Variants in CDH4 observed in about 807,000 individuals in gnomAD.
CDH4 encodes the protein cadherin-4.
A neutral mutation model predicts 86.0 loss-of-function variants in CDH4; 33 were observed. That is an observed-to-expected ratio of 0.38 (90% confidence interval 0.29 to 0.51). The LOEUF is 0.51. Among genes scored for constraint, CDH4 ranks in the 20% least tolerant of loss-of-function variants. CDH4 has a pLI of 0.86. For missense variants in CDH4, 1,114 were observed against 1,307.4 expected, an observed-to-expected ratio of 0.85 and a Z score of 2.28; for synonymous variants, 555 against 549.4, an observed-to-expected ratio of 1.01 and a Z score of -0.14.
At chr20:61,857,300 G>A (rs1052827194) in intron 6 of CDH4, among the ~76,000 whole-genome samples, 252 of 152,368 alleles carry the variant, frequency 1.7e-3, no homozygotes, top group Non-Finnish European at 2.1e-3. Flanking sequence ...CCTTCGGCCC[G>A]GGCTGCGTAT....
intron 3 of CDH4, among the ~76,000 whole-genome samples, chr20:61,748,211 C>T (rs2088443468): frequency 6.6e-6 from 1 of 152,214 alleles, no homozygotes; most frequent in South Asian, 2.1e-4. Context: ...CAGCTCACTG[C>T]AACCTCCACC....
intron 2 of CDH4, among the ~76,000 whole-genome samples, chr20:61,285,645 G>A (rs193126015): frequency 1.5e-4 from 23 of 152,358 alleles, no homozygotes; most frequent in Middle Eastern, 3.4e-3. Flanking sequence ...GATGGATAGT[G>A]TATTCAGTTT....
chr20:61,493,876 G>A (rs984521224), intron 2 of CDH4, among the ~76,000 whole-genome samples: 23 of 152,198 alleles, frequency 1.5e-4, no homozygotes, highest in African/African-American at 4.3e-4. Flanking sequence ...ACAGTGGCCC[G>A]TACAAATTGC....
At chr20:61,500,480 G>A (rs940024477) in intron 2 of CDH4, among the ~76,000 whole-genome samples, 5 of 152,234 alleles carry the variant, frequency 3.3e-5, no homozygotes, top group African/African-American at 7.2e-5. Flanking sequence ...TGCCTGTGCC[G>A]ACTCTGGGTC....
At chr20:61,348,244 T>C (rs1473838466) in intron 2 of CDH4, among the ~76,000 whole-genome samples, 3 of 145,334 alleles carry the variant, frequency 2.1e-5, no homozygotes, top group African/African-American at 7.5e-5. Context: ...CTAAGGCACA[T>C]CTTACATGGT....
In CDH4 at chr20:61,817,507, A is replaced by T. The variant is rs556179960; in HGVS notation, c.577-27161A>T. ...AAAGCAACTTCTCGCTTTTTTTTTTATTTTTATTTTTTTAAGAGACCTCGT... is the reference window on the plus strand; with the variant it reads ...AAAGCAACTTCTCGCTTTTTTTTTTTTTTTTATTTTTTTAAGAGACCTCGT... On this transcript the variant is annotated intron_variant, in intron 4 of 15. Coordinates refer to ENST00000614565, the MANE Select transcript of CDH4 (RefSeq NM_001794.5). 3.4e-3 allele frequency among the ~76,000 whole-genome samples: 512 copies of T among 150,706 alleles called. 12 individuals carry two copies. Among genetic ancestry groups the T allele is most frequent in the Admixed American group, 0.03 (450 of 15,144 alleles).
rs367767612 is a variant in CDH4, at chr20:61,902,720, G to A, written c.1188+7673G>A. ...AGATTCAGGCCACAGGCTTGTTGTCGAGCCCTGACTTCACCTATAGCAAAG... is the reference window on the plus strand; with the variant it reads ...AGATTCAGGCCACAGGCTTGTTGTCAAGCCCTGACTTCACCTATAGCAAAG... On this transcript the variant is annotated intron_variant, in intron 8 of 15. Transcript: ENST00000614565. This position sits in a 1 kb window ranked among gnomAD's most constrained non-coding sequence, Gnocchi z 4.6. Among the ~76,000 whole-genome samples the A allele has an allele frequency of 6.6e-5, 10 of 152,272 alleles. No homozygotes were observed. In the East Asian group the frequency reaches 1.2e-3, roughly 18 times the overall value.
At chr20:61,289,244 C>T (rs1305337697) in intron 2 of CDH4, among the ~76,000 whole-genome samples, 1 of 152,214 alleles carries the variant, frequency 6.6e-6, no homozygotes, top group African/African-American at 2.4e-5. Flanking sequence ...CAGCTCCTGG[C>T]ACTGTCAGCT....
In CDH4 at chr20:61,669,613, G is replaced by A. The variant is rs73915317; in HGVS notation, c.170-73950G>A. Reference sequence around the variant, plus strand: ...TCAAATCCCATCAGAAACTTATCCGGTGTGTAATGTTCCTGGAGAAGAGAA... The same window carrying A: ...TCAAATCCCATCAGAAACTTATCCGATGTGTAATGTTCCTGGAGAAGAGAA... On this transcript the variant is annotated intron_variant, in intron 2 of 15. Transcript: ENST00000614565. Among the ~76,000 whole-genome samples the A allele has an allele frequency of 4.2e-3, 636 of 152,320 alleles. 3 individuals are homozygous for A. Among genetic ancestry groups the A allele is most frequent in the African/African-American group, 0.015 (604 of 41,578 alleles).
At chr20:61,777,862 G>A (rs934694956) in intron 4 of CDH4, among the ~76,000 whole-genome samples, 11 of 150,658 alleles carry the variant, frequency 7.3e-5, no homozygotes, top group African/African-American at 1.2e-4. Flanking sequence ...ATCCACATGC[G>A]CACGCACGTG....
intron 5 of CDH4, among the ~76,000 whole-genome samples, chr20:61,850,053 T>A (rs1982642993): frequency 6.6e-6 from 1 of 152,252 alleles, no homozygotes; most frequent in African/African-American, 2.4e-5. Context: ...CGTGTCACCC[T>A]AAAGCCAGCC....
At chr20:61,523,966 G>C (rs894660189) in intron 2 of CDH4, among the ~76,000 whole-genome samples, 1 of 152,310 alleles carries the variant, frequency 6.6e-6, no homozygotes. Flanking sequence ...AAAGAAGCAA[G>C]ATATCTGACG....
At position 61,276,180 on chromosome 20, in the gene CDH4, C is replaced by T. The variant is rs2084230864; in HGVS notation, c.169+21243C>T. Reference sequence around the variant, plus strand: ...GTGCCTGTCTTTTGGCACAGAAAAACCTCTTCTAGCAGCTTGACTTGGATT... The same window carrying T: ...GTGCCTGTCTTTTGGCACAGAAAAATCTCTTCTAGCAGCTTGACTTGGATT... On this transcript the variant is annotated intron_variant, in intron 2 of 15. Coordinates refer to ENST00000614565, the MANE Select transcript of CDH4 (RefSeq NM_001794.5). Among the ~76,000 whole-genome samples, 3 of 152,206 alleles carry T rather than the reference C, an allele frequency of 2.0e-5. No individual in the cohort carries two copies. In the South Asian group the frequency reaches 6.2e-4, roughly 31 times the overall value.
At position 61,257,581 on chromosome 20, in the gene CDH4, T is replaced by C. The variant is rs150873360; in HGVS notation, c.169+2644T>C. Among the ~76,000 whole-genome samples the C allele has an allele frequency of 2.0e-3, 300 of 152,370 alleles. 1 individual carries two copies. Among genetic ancestry groups the C allele is most frequent in the African/African-American group, 6.9e-3 (288 of 41,598 alleles). On this transcript the variant is annotated intron_variant, in intron 2 of 15. Transcript: ENST00000614565. ...TTGAATGCAATTGCATATACTCTTATGCTGTACTTTTGTTTTTAGGATAAT... is the reference window on the plus strand; with the variant it reads ...TTGAATGCAATTGCATATACTCTTACGCTGTACTTTTGTTTTTAGGATAAT...
At chr20:61,633,954 C>A (rs1042233828) in intron 2 of CDH4, among the ~76,000 whole-genome samples, 2 of 152,198 alleles carry the variant, frequency 1.3e-5, no homozygotes, top group Non-Finnish European at 2.9e-5. Context: ...AATCCCAGTT[C>A]AGATTTTAAA....
intron 2 of CDH4, among the ~76,000 whole-genome samples, chr20:61,497,885 G>A (rs2085673563): frequency 1.3e-5 from 2 of 151,902 alleles, no homozygotes; most frequent in Admixed American, 6.6e-5. Context: ...CCATAAAAAA[G>A]GATGCGTTCA....
rs77226582 is a variant in CDH4 at position 61,331,992 on chromosome 20, C to T, written c.169+77055C>T. Reference sequence around the variant, plus strand: ...GGGAGCTGTGCCTCTGCCCCCTTCTCTGCCATGGTTCTTCAGTGCCCAGAG... The same window carrying T: ...GGGAGCTGTGCCTCTGCCCCCTTCTTTGCCATGGTTCTTCAGTGCCCAGAG... On this transcript the variant is annotated intron_variant, in intron 2 of 15. Coordinates refer to ENST00000614565, the MANE Select transcript of CDH4 (RefSeq NM_001794.5). Among the ~76,000 whole-genome samples, 402 of 152,332 alleles carry T rather than the reference C, an allele frequency of 2.6e-3. 3 individuals are homozygous for T. The highest frequency in any genetic ancestry group is 9.0e-3 in the African/African-American group (374 of 41,582).
intron 2 of CDH4, among the ~76,000 whole-genome samples, chr20:61,367,867 C>G (rs933336676): frequency 8.4e-6 from 1 of 119,078 alleles, no homozygotes; most frequent in Non-Finnish European, 1.7e-5. Context: ...TCTCCAGGAT[C>G]TTTTTTTTTT....
intron 2 of CDH4, among the ~76,000 whole-genome samples, chr20:61,328,226 A>G (rs576335646): frequency 7.2e-5 from 11 of 152,220 alleles, no homozygotes; most frequent in African/African-American, 1.7e-4. Context: ...CCCAGGCTGG[A>G]GTGCAGTGGT....
Sources: gnomAD v4.1 joint callset for allele counts (sites outside exome capture counted in the v4.1 genomes callset) on GRCh38, gnomAD v4.1.1 for gene constraint, Gnocchi (gnomAD v3.1) non-coding constraint, MANE v1.5 for transcripts, NCBI Gene and HGNC (gene_info 2026-07-23, HGNC 2026-07-21) for gene names.